Variants in BFSP1 observed in about 807,000 individuals in gnomAD.
The protein encoded by BFSP1 is beaded filament structural protein 1, also known as filensin.
In BFSP1, 38 loss-of-function variants were observed where a neutral mutation model predicts 43.9. The ratio of observed to expected loss-of-function variants is 0.87; its 90% CI spans 0.67 to 1.14. The LOEUF (loss-of-function observed/expected upper bound fraction) is 1.14. Ranked by LOEUF, BFSP1 falls within the 50% of genes most tolerant of loss-of-function variation. The probability of loss-of-function intolerance (pLI) is 0.00; values close to 1 mark genes in which losing one functional copy is unlikely to be tolerated. For synonymous variants in BFSP1, 352 were observed against 354.8 expected (o/e 0.99, Z 0.09); for missense variants, 850 against 875.1 (o/e 0.97, Z 0.36).
At position 17,494,989 on chromosome 20, in the gene BFSP1, T is replaced by C. The variant is rs1435711495; in HGVS notation, c.1083A>G (p.Pro361=). ...RALQDITAAK[P]RQKALPKNVP... ...CATTCTTGGGGAGGGCTTTTTGTCT[T>C]GGTTTTGCTGCTGTTATATCCTGCA... is the stretch of plus-strand genomic sequence containing the variant. Residue 361 remains proline (P), a synonymous_variant, in exon 8 of 8, where the codon CCA becomes CCG. Transcript: ENST00000377873. 6.2e-7 allele frequency: 1 copy of C among 1,613,908 alleles called. No individual in the cohort carries two copies. The highest frequency in any genetic ancestry group is 8.5e-7 in the Non-Finnish European group (1 of 1,179,994).
intron 1 of BFSP1, among the ~76,000 whole-genome samples, chr20:17,526,044 C>G (rs1331484455): frequency 6.8e-6 from 1 of 146,648 alleles, no homozygotes; most frequent in East Asian, 2.0e-4. Context: ...TCATACTAAA[C>G]TGCTTAACCA....
upstream of BFSP1, among the ~76,000 whole-genome samples, chr20:17,535,475 G>C (rs982581278): frequency 1.4e-4 from 22 of 152,192 alleles, no homozygotes; most frequent in African/African-American, 5.3e-4. Context: ...AGGTTGCAGT[G>C]AGTCGAGATA....
chr20:17,524,893 G>T lies in BFSP1; in HGVS notation c.393C>A (p.Cys131Ter), dbSNP rs775684263. 1 of 1,613,996 alleles carries T rather than the reference G, an allele frequency of 6.2e-7. No homozygotes were observed. The highest frequency in any genetic ancestry group is 1.1e-5 in the South Asian group (1 of 91,072). ...DEFRSKYENE[C>*]ECQLLLKEML... ...TTTCTTTTAGCAGGAGTTGACATTC[G>T]CACTCATTTTCATACCTGCAAATTG... The change falls in exon 2 of 8, where the codon TGC becomes TGA. Residue 131 changes from cysteine (C) to a stop codon, truncating the protein, a stop_gained. Coordinates refer to ENST00000377873, the MANE Select transcript of BFSP1 (RefSeq NM_001195.5). LOFTEE classifies it high-confidence loss of function.
intron 1 of BFSP1, among the ~76,000 whole-genome samples, chr20:17,555,907 A>G (rs2034983294): frequency 6.6e-6 from 1 of 152,202 alleles, no homozygotes; most frequent in Admixed American, 6.5e-5. Context: ...GGCCCATCAA[A>G]TATTTAAAAT....
At chr20:17,531,449 G>A, upstream of BFSP1, 1 of 1,201,656 alleles carries the variant, frequency 8.3e-7, no homozygotes, top group Non-Finnish European at 1.0e-6. Flanking sequence ...GGACGTTCCA[G>A]AGCCGATCAG....
At chr20:17,524,352 C>T (rs564015062) in intron 2 of BFSP1, among the ~76,000 whole-genome samples, 79 of 152,216 alleles carry the variant, frequency 5.2e-4, no homozygotes, top group African/African-American at 1.8e-3. Context: ...GCTAAGAACC[C>T]CTGGCATCTC....
chr20:17,499,201 T>C (rs2033731776), intron 5 of BFSP1, among the ~76,000 whole-genome samples, 161 bp from the exon 6 acceptor site: 1 of 151,358 alleles, frequency 6.6e-6, no homozygotes, highest in Non-Finnish European at 1.5e-5. Context: ...ATCCTTAAGC[T>C]AAAAAGCAAT....
intron 7 of BFSP1, 119 bp downstream of exon 7, chr20:17,496,819 T>A: frequency 5.6e-6 from 5 of 899,764 alleles, no homozygotes; most frequent in Non-Finnish European, 8.0e-6. Flanking sequence ...CTCCTTCACA[T>A]AAAAGCATTT....
intron 1 of BFSP1, among the ~76,000 whole-genome samples, chr20:17,566,497 T>A (rs2035121114): frequency 6.6e-6 from 1 of 152,220 alleles, no homozygotes. Flanking sequence ...ACTGGGTGGC[T>A]TACAAACAAC....
intron 2 of BFSP1, among the ~76,000 whole-genome samples, chr20:17,521,874 GA>G (rs2123510354): frequency 6.6e-6 from 1 of 152,300 alleles, no homozygotes; most frequent in South Asian, 2.1e-4. Context: ...GGACCATGTG[GA>G]ATGTGGCTCT....
At chr20:17,504,656 G>A (rs1178003055) in intron 5 of BFSP1, among the ~76,000 whole-genome samples, 2 of 152,216 alleles carry the variant, frequency 1.3e-5, no homozygotes, top group Admixed American at 1.3e-4. Context: ...GAGGGGTCAG[G>A]AGACGAAGAG....
At chr20:17,549,463 G>T (rs755880541) in intron 1 of BFSP1, among the ~76,000 whole-genome samples, 16 of 152,080 alleles carry the variant, frequency 1.1e-4, no homozygotes, top group Non-Finnish European at 1.3e-4. Context: ...GAGAGAGAGT[G>T]GGGAGGTGCT....
chr20:17,495,058 G>A, intron 7 of BFSP1, 29 bp from the exon 8 acceptor site: 1 of 1,562,170 alleles, frequency 6.4e-7, no homozygotes, highest in African/African-American at 1.4e-5. Flanking sequence ...AGAAATTCAA[G>A]TATAATTGTC....
chr20:17,529,619 CAT>C (rs1204448188), intron 1 of BFSP1, among the ~76,000 whole-genome samples: 2 of 152,258 alleles, frequency 1.3e-5, no homozygotes, highest in African/African-American at 4.8e-5. Flanking sequence ...ATGACAATAA[CAT>C]ACTTTTTTCC....
Position 17,494,675 on chromosome 20 carries a change from G to A in BFSP1, c.1397C>T (p.Thr466Ile), listed in dbSNP as rs368994433. The A allele has an allele frequency of 6.2e-6, 10 of 1,614,026 alleles. No individual in the cohort carries two copies. Among genetic ancestry groups the A allele is most frequent in the Middle Eastern group, 1.6e-4 (1 of 6,082 alleles). Residue 466 changes from threonine to isoleucine, a missense_variant, in exon 8 of 8, where the codon ACC becomes ATC. Coordinates refer to ENST00000377873, the MANE Select transcript of BFSP1 (RefSeq NM_001195.5). ...KEPETPTELY[T>I]KERHVLVTGD... ...TGTGACCAGCACGTGCCGCTCTTTG[G>A]TGTAGAGCTCAGTGGGGGTCTCAGG...
At chr20:17,502,557 C>G (rs2033829178) in intron 5 of BFSP1, among the ~76,000 whole-genome samples, 1 of 152,168 alleles carries the variant, frequency 6.6e-6, no homozygotes, top group African/African-American at 2.4e-5. Flanking sequence ...TTAGTGCAGT[C>G]TATTAATGCG....
rs139302830 is a variant in BFSP1 at position 17,543,366 on chromosome 20, A to C, written c.2+15322T>G. ...CATTAGGAATGAATATGCCTCACAC[A>C]GCGTCATGACCGACTAAAACCCTGG... On this transcript the variant is annotated intron_variant, in intron 1 of 7. Transcript: ENST00000377868. Among the ~76,000 whole-genome samples the C allele has an allele frequency of 1.9e-3, 289 of 152,342 alleles. 1 individual carries two copies. Among genetic ancestry groups the C allele is most frequent in the Non-Finnish European group, 3.2e-3 (217 of 68,030 alleles).
At chr20:17,559,899 A>G (rs2035051577), upstream of BFSP1, among the ~76,000 whole-genome samples, 1 of 152,178 alleles carries the variant, frequency 6.6e-6, no homozygotes. Flanking sequence ...CCTCTTATCT[A>G]GAGTCAAATA....
chr20:17,552,264 A>G (rs2034907207), intron 1 of BFSP1, among the ~76,000 whole-genome samples: 1 of 152,174 alleles, frequency 6.6e-6, no homozygotes, highest in Non-Finnish European at 1.5e-5. Context: ...TGGATTCTTG[A>G]AGAAAGAGCG....
Sources: allele counts gnomAD v4.1 joint callset (sites outside exome capture counted in the v4.1 genomes callset), GRCh38; gene constraint gnomAD v4.1.1; transcripts MANE v1.5; gene names NCBI Gene and HGNC (gene_info 2026-07-23, HGNC 2026-07-21).